Variants in ASAP1 observed in about 807,000 individuals in gnomAD.
ASAP1 encodes the protein arf-GAP with SH3 domain, ANK repeat and PH domain-containing protein 1.
In ASAP1, 43 loss-of-function variants were observed where a neutral mutation model predicts 145.2. The ratio of observed to expected loss-of-function variants is 0.30; its 90% CI spans 0.23 to 0.38. The LOEUF is 0.38. Among genes scored for constraint, ASAP1 ranks in the 10% least tolerant of loss-of-function variants. The probability of loss-of-function intolerance (pLI) is 1.00; values close to 1 mark genes in which losing one functional copy is unlikely to be tolerated. For missense variants in ASAP1, 1,018 were observed against 1,355.3 expected (o/e 0.75, Z 3.91); for synonymous variants, 546 against 515.5 (o/e 1.06, Z -0.80).
intron 1 of ASAP1, among the ~76,000 whole-genome samples, chr8:130,409,049 G>C (rs1217721692): frequency 6.6e-6 from 1 of 152,126 alleles, no homozygotes; most frequent in Admixed American, 6.5e-5. Flanking sequence ...ATTACCTGAG[G>C]TCAGGAGTTC....
At chr8:130,073,903 T>G (rs944773416) in intron 27 of ASAP1, among the ~76,000 whole-genome samples, 1 of 152,082 alleles carries the variant, frequency 6.6e-6, no homozygotes, top group East Asian at 1.9e-4. Context: ...TTCCAATTAA[T>G]AGGAAATATG....
intron 1 of ASAP1, among the ~76,000 whole-genome samples, chr8:130,440,101 A>G (rs1830440889): frequency 6.6e-6 from 1 of 152,000 alleles, no homozygotes; most frequent in Non-Finnish European, 1.5e-5. Flanking sequence ...TGCTATCTCC[A>G]AGATCTAAGT....
At chr8:130,100,560 C>T (rs2097527015) in intron 24 of ASAP1, among the ~76,000 whole-genome samples, 1 of 152,074 alleles carries the variant, frequency 6.6e-6, no homozygotes, top group Admixed American at 6.5e-5. Flanking sequence ...AAGCCCTGAC[C>T]TCAGGCAATC....
At chr8:130,264,372 C>T (rs1305319826) in intron 3 of ASAP1, among the ~76,000 whole-genome samples, 1 of 152,166 alleles carries the variant, frequency 6.6e-6, no homozygotes, top group African/African-American at 2.4e-5. Context: ...GGACACGACT[C>T]TCAGGCCAGC....
At chr8:130,270,723 A>G (rs1391758145) in intron 3 of ASAP1, among the ~76,000 whole-genome samples, 1 of 152,228 alleles carries the variant, frequency 6.6e-6, no homozygotes, top group Non-Finnish European at 1.5e-5. Flanking sequence ...GTACCTAAAG[A>G]AGGTAATTCT....
At chr8:130,350,192 T>C (rs1010416433) in intron 3 of ASAP1, among the ~76,000 whole-genome samples, 4 of 152,032 alleles carry the variant, frequency 2.6e-5, no homozygotes, top group African/African-American at 9.7e-5. Context: ...AAACTTAAGG[T>C]TTACTCTCCA....
At chr8:130,120,271 A>G (rs1259112635) in intron 18 of ASAP1, among the ~76,000 whole-genome samples, 3 of 152,232 alleles carry the variant, frequency 2.0e-5, no homozygotes, top group Admixed American at 1.3e-4. Flanking sequence ...CCTCTGCTGC[A>G]TGTGTCTTAT....
At chr8:130,184,554 G>T (rs759151982) in intron 7 of ASAP1, among the ~76,000 whole-genome samples, 22 of 152,154 alleles carry the variant, frequency 1.4e-4, no homozygotes, top group Non-Finnish European at 2.9e-4. Context: ...TTTAGATTGT[G>T]GAGGACAATA....
At position 130,317,351 on chromosome 8, in the gene ASAP1, C is replaced by T. The variant is rs576057915; in HGVS notation, c.186+40666G>A. Among the ~76,000 whole-genome samples the T allele has an allele frequency of 1.9e-4, 29 of 152,242 alleles. No individual in the cohort carries two copies. In the East Asian group the frequency reaches 5.2e-3, roughly 27 times the overall value. ...GCCAAAATTGGGCAAGAGAGAATGA[C>T]CCTTGTAGGGGAAAAGAAACCTCTA... On this transcript the variant is annotated intron_variant, in intron 3 of 29. Coordinates refer to ENST00000518721, the MANE Select transcript of ASAP1 (RefSeq NM_018482.4).
At chr8:130,377,847 C>G (rs1005900995) in intron 2 of ASAP1, among the ~76,000 whole-genome samples, 1 of 152,202 alleles carries the variant, frequency 6.6e-6, no homozygotes, top group Non-Finnish European at 1.5e-5. Context: ...CTCACCCCTT[C>G]AGACCTTTGA....
intron 3 of ASAP1, among the ~76,000 whole-genome samples, chr8:130,331,508 C>A (rs778166614): frequency 9.9e-5 from 15 of 152,200 alleles, no homozygotes; most frequent in Non-Finnish European, 2.1e-4. Context: ...ACTATGGAAT[C>A]TGGCAGGCAT....
At chr8:130,274,179 C>T (rs1229584131) in intron 3 of ASAP1, among the ~76,000 whole-genome samples, 2 of 152,138 alleles carry the variant, frequency 1.3e-5, no homozygotes, top group African/African-American at 4.8e-5. Context: ...ATTGCTTTCC[C>T]TTGGGGAAGT....
chr8:130,371,353 G>A (rs998279653), intron 2 of ASAP1, among the ~76,000 whole-genome samples: 5 of 152,162 alleles, frequency 3.3e-5, no homozygotes, highest in Non-Finnish European at 5.9e-5. Context: ...GCACTAAACC[G>A]CACTCTCTGT....
chr8:130,287,981 C>T (rs894127720), intron 3 of ASAP1, among the ~76,000 whole-genome samples: 1 of 152,162 alleles, frequency 6.6e-6, no homozygotes, highest in African/African-American at 2.4e-5. Flanking sequence ...GTCACCTCCA[C>T]GCACAGTCAA....
At chr8:130,107,234 G>A (rs187500345) in intron 24 of ASAP1, among the ~76,000 whole-genome samples, 29 of 146,842 alleles carry the variant, frequency 2.0e-4, no homozygotes, top group African/African-American at 6.8e-4. Flanking sequence ...CCAGGTTGGA[G>A]AGAAGTGGCA....
At chr8:130,374,415 A>T (rs545178168) in intron 2 of ASAP1, among the ~76,000 whole-genome samples, 1 of 152,368 alleles carries the variant, frequency 6.6e-6, no homozygotes, top group East Asian at 1.9e-4. Context: ...CACACCTGTA[A>T]TTCCAGCACC....
intron 3 of ASAP1, among the ~76,000 whole-genome samples, chr8:130,309,216 G>A (rs913490432): frequency 2.0e-5 from 3 of 152,152 alleles, no homozygotes; most frequent in Non-Finnish European, 2.9e-5. Flanking sequence ...CCCTTTTTAC[G>A]AAATTCAGTC....
chr8:130,188,264 C>G, intron 5 of ASAP1, 81 bp from the exon 6 acceptor site: 2 of 1,065,292 alleles, frequency 1.9e-6, no homozygotes, highest in Non-Finnish European at 2.9e-6. Flanking sequence ...ATTGACTGAG[C>G]ATTTTCCACA....
intron 1 of ASAP1, among the ~76,000 whole-genome samples, chr8:130,412,807 A>G (rs1829322983): frequency 6.6e-6 from 1 of 151,860 alleles, no homozygotes; most frequent in Non-Finnish European, 1.5e-5. Context: ...ACATGCCACT[A>G]CACCTGGCTA....
Sources: allele counts gnomAD v4.1 joint callset (sites outside exome capture counted in the v4.1 genomes callset), GRCh38; gene constraint gnomAD v4.1.1; transcripts MANE v1.5; gene names NCBI Gene and HGNC (gene_info 2026-07-23, HGNC 2026-07-21).